Variants in THSD4 observed in about 807,000 individuals in gnomAD.
The protein encoded by THSD4 is thrombospondin type-1 domain-containing protein 4.
THSD4 carries 69 observed loss-of-function variants against 119.0 expected under a neutral mutation model. The ratio of observed to expected loss-of-function variants is 0.58; its 90% CI spans 0.48 to 0.71. The LOEUF is 0.71. Ranked by LOEUF, THSD4 falls within the 30% of genes least tolerant of loss-of-function variation. The pLI is 0.00. For missense variants in THSD4, 1,393 were observed against 1,391.1 expected (o/e 1.00, Z -0.02); for synonymous variants, 524 against 540.4 (o/e 0.97, Z 0.42).
chr15:71,277,607 T>C (rs1388097832), intron 6 of THSD4, among the ~76,000 whole-genome samples: 1 of 152,184 alleles, frequency 6.6e-6, no homozygotes, highest in Non-Finnish European at 1.5e-5. Flanking sequence ...GGTAATTGAG[T>C]ATATGTAGGG....
At chr15:71,407,136 C>G (rs1010354723) in intron 6 of THSD4, among the ~76,000 whole-genome samples, 1 of 152,118 alleles carries the variant, frequency 6.6e-6, no homozygotes, top group African/African-American at 2.4e-5. Flanking sequence ...ACTCTAGCTG[C>G]CTTTTGCTTT....
rs575598968 is a variant in THSD4, at chr15:71,567,602, C to A, written c.1153-92928C>A. 5.0e-3 allele frequency among the ~76,000 whole-genome samples: 718 copies of A among 142,616 alleles called. 22 individuals carry two copies. In the South Asian group the frequency reaches 0.06, roughly 12 times the overall value. 93.6% of individuals were successfully genotyped at this position (142,616 alleles called of 152,430 possible). On this transcript the variant is annotated intron_variant, in intron 7 of 17. Coordinates refer to ENST00000261862, the MANE Select transcript of THSD4 (RefSeq NM_024817.3). ...CCTGGACAAGAACAAAGACACCCCCCCACACACACACACACACACATGAAA... is the reference window on the plus strand; with the variant it reads ...CCTGGACAAGAACAAAGACACCCCCACACACACACACACACACACATGAAA...
At chr15:71,488,752 CT>C (rs1378096416) in intron 7 of THSD4, among the ~76,000 whole-genome samples, 1 of 151,994 alleles carries the variant, frequency 6.6e-6, no homozygotes, top group Non-Finnish European at 1.5e-5. Context: ...TAGTTATTTC[CT>C]CATAACATTT....
chr15:71,396,606 A>C (rs955824284), intron 6 of THSD4, among the ~76,000 whole-genome samples: 5 of 152,200 alleles, frequency 3.3e-5, no homozygotes, highest in African/African-American at 9.7e-5. Context: ...ATATCCGCTC[A>C]GATAGTTAGA....
At chr15:71,159,771 C>G (rs1235592826) in intron 3 of THSD4, among the ~76,000 whole-genome samples, 1 of 151,888 alleles carries the variant, frequency 6.6e-6, no homozygotes, top group Admixed American at 6.6e-5. Context: ...TTTGGATGCC[C>G]TTTATTTTTT....
chr15:71,185,015 T>C (rs996949195), intron 3 of THSD4, among the ~76,000 whole-genome samples: 4 of 151,746 alleles, frequency 2.6e-5, no homozygotes, highest in African/African-American at 9.7e-5. Flanking sequence ...AAGTCTCCTT[T>C]TGAGGCGTAA....
At chr15:71,149,633 A>G (rs1176239039) in intron 2 of THSD4, among the ~76,000 whole-genome samples, 1 of 152,230 alleles carries the variant, frequency 6.6e-6, no homozygotes, top group Non-Finnish European at 1.5e-5. Context: ...TAAGGTCGAT[A>G]TAATTTTATT....
chr15:71,717,536 C>T (rs1451133159), intron 8 of THSD4, among the ~76,000 whole-genome samples: 2 of 150,406 alleles, frequency 1.3e-5, no homozygotes, highest in Admixed American at 1.3e-4. Context: ...CTGATTAATT[C>T]ACCTTTCTGC....
chr15:71,323,871 G>T (rs906448719), intron 6 of THSD4, among the ~76,000 whole-genome samples: 1 of 152,152 alleles, frequency 6.6e-6, no homozygotes, highest in Non-Finnish European at 1.5e-5. Context: ...TACTATTATG[G>T]TTTCCATGTT....
chr15:71,384,715 C>T (rs575924851), intron 6 of THSD4, among the ~76,000 whole-genome samples: 18 of 152,324 alleles, frequency 1.2e-4, no homozygotes, highest in Admixed American at 4.6e-4. Flanking sequence ...AAATGCACTT[C>T]TTAAAGTGCA....
In THSD4 at chr15:71,294,516, C is replaced by T. The variant is rs79433417; in HGVS notation, c.1015+37801C>T. On this transcript the variant is annotated intron_variant, in intron 6 of 17. Coordinates refer to ENST00000261862, the MANE Select transcript of THSD4 (RefSeq NM_024817.3). ...AGGGGATACCAGCGTTCACATTTTTCCTTTTAAGAAAGGGTCTTGGCCTGA... is the reference window on the plus strand; with the variant it reads ...AGGGGATACCAGCGTTCACATTTTTTCTTTTAAGAAAGGGTCTTGGCCTGA... 7.4e-3 allele frequency among the ~76,000 whole-genome samples: 1,130 copies of T among 152,246 alleles called. 18 individuals carry two copies. Among genetic ancestry groups the T allele is most frequent in the African/African-American group, 0.026 (1,070 of 41,554 alleles).
At chr15:71,639,761 T>A (rs3454) in intron 7 of THSD4, among the ~76,000 whole-genome samples, 1 of 151,276 alleles carries the variant, frequency 6.6e-6, no homozygotes. Flanking sequence ...TGCCTACATA[T>A]CCCTCTTGTT....
At chr15:71,661,503 C>T (rs542143165) in intron 8 of THSD4, among the ~76,000 whole-genome samples, 38 of 151,672 alleles carry the variant, frequency 2.5e-4, no homozygotes, top group Admixed American at 7.9e-4. Flanking sequence ...TCAAATGATT[C>T]TCCTGCCTCA....
At chr15:71,291,355 A>G (rs2044789310) in intron 6 of THSD4, among the ~76,000 whole-genome samples, 1 of 151,208 alleles carries the variant, frequency 6.6e-6, no homozygotes, top group Non-Finnish European at 1.5e-5. Flanking sequence ...AGGCTCACAT[A>G]GTTAGGGAGG....
chr15:71,682,067 C>A (rs1175156923), intron 8 of THSD4, among the ~76,000 whole-genome samples: 1 of 152,122 alleles, frequency 6.6e-6, no homozygotes, highest in African/African-American at 2.4e-5. Flanking sequence ...GAAATCCGAC[C>A]CCCCCTGGAA....
At chr15:71,237,754 T>G (rs1490599314) in intron 4 of THSD4, among the ~76,000 whole-genome samples, 2 of 152,132 alleles carry the variant, frequency 1.3e-5, no homozygotes, top group African/African-American at 4.8e-5. Context: ...AGGTGATGAT[T>G]GCAGATGACA....
intron 1 of THSD4, among the ~76,000 whole-genome samples, chr15:71,119,711 A>G (rs2040393173): frequency 6.6e-6 from 1 of 152,194 alleles, no homozygotes; most frequent in Admixed American, 6.5e-5. Flanking sequence ...AAGAGCCCCA[A>G]GTTGCTTGGT....
At chr15:71,592,401 C>T (rs1458134802) in intron 7 of THSD4, among the ~76,000 whole-genome samples, 7 of 152,270 alleles carry the variant, frequency 4.6e-5, no homozygotes, top group South Asian at 2.1e-4. Flanking sequence ...ATGGCCCTGC[C>T]GCCCCAGGAA....
chr15:71,380,509 C>CT (rs2046214933), intron 6 of THSD4, among the ~76,000 whole-genome samples: 1 of 152,074 alleles, frequency 6.6e-6, no homozygotes, highest in Non-Finnish European at 1.5e-5. Flanking sequence ...CAGGAGACGA[C>CT]TGTGATCACT....
Sources: allele counts gnomAD v4.1 joint callset (sites outside exome capture counted in the v4.1 genomes callset), GRCh38; gene constraint gnomAD v4.1.1; transcripts MANE v1.5; gene names NCBI Gene and HGNC (gene_info 2026-07-23, HGNC 2026-07-21).